CYP27A1: variants seen among roughly 807,000 people sequenced by gnomAD.
CYP27A1 encodes sterol 26-hydroxylase, mitochondrial.
In CYP27A1, 46 loss-of-function variants were observed where a neutral mutation model predicts 58.2. The ratio of observed to expected loss-of-function variants is 0.79; its 90% CI spans 0.62 to 1.01. The LOEUF (loss-of-function observed/expected upper bound fraction) is 1.01. CYP27A1 is among the 50% of genes least tolerant of loss of function. CYP27A1 has a pLI of 0.00. For missense variants in CYP27A1, 704 were observed against 687.0 expected (o/e 1.02, Z -0.28); for synonymous variants, 274 against 285.1 (o/e 0.96, Z 0.39).
At chr2:218,810,963 C>G (rs1317172080) in intron 2 of CYP27A1, among the ~76,000 whole-genome samples, 1 of 151,946 alleles carries the variant, frequency 6.6e-6, no homozygotes, top group Non-Finnish European at 1.5e-5. Flanking sequence ...CTGGCTAACA[C>G]GGTGAAACCC....
intron 1 of CYP27A1, among the ~76,000 whole-genome samples, chr2:218,784,482 C>T (rs2106479866): frequency 6.6e-6 from 1 of 152,346 alleles, no homozygotes; most frequent in African/African-American, 2.4e-5. Flanking sequence ...TATAGATTAA[C>T]TTCCTTTTAC....
At position 218,812,608 on chromosome 2, in the gene CYP27A1, G is replaced by C. The variant is rs149897566; in HGVS notation, c.703G>C (p.Glu235Gln). ...RIGCLQRSIP[E>Q]DTVTFVRSIG... Reference sequence around the variant, plus strand: ...TGGCTGCCTGCAGCGATCCATCCCCGAGGACACCGTGACCTTCGTCAGATC... The same window carrying C: ...TGGCTGCCTGCAGCGATCCATCCCCCAGGACACCGTGACCTTCGTCAGATC... The change falls in exon 4 of 9, where the codon GAG becomes CAG. Residue 235 changes from glutamate to glutamine, a missense_variant. Glu to Gln is a conservative substitution (Grantham distance 29). Transcript: ENST00000258415. 1 of 1,614,072 alleles carries C rather than the reference G, an allele frequency of 6.2e-7. No individual in the cohort carries two copies. The highest frequency in any genetic ancestry group is 2.2e-5 in the East Asian group (1 of 44,888).
At position 218,814,975 on chromosome 2, in the gene CYP27A1, T is replaced by C. The variant is rs370013480; in HGVS notation, c.1541T>C (p.Ile514Thr). The stretch of plus-strand genomic sequence containing the variant: ...GGGGAGTTGAAGAGTGTGGCCCGCA[T>C]TGTCCTGGTTCCCAATAAGAAAGTG... ...ETGELKSVAR[I>T]VLVPNKKVGL... Residue 514 changes from isoleucine to threonine, a missense_variant, in exon 9 of 9, where the codon ATT (isoleucine) becomes ACT (threonine). Physicochemically the swap from Ile to Thr is moderately conservative, Grantham distance 89. Coordinates refer to ENST00000258415, the MANE Select transcript of CYP27A1 (RefSeq NM_000784.4). 8.1e-6 allele frequency: 13 copies of C among 1,614,076 alleles called. No individual in the cohort carries two copies. Among genetic ancestry groups the C allele is most frequent in the Admixed American group, 3.3e-5 (2 of 60,012 alleles).
In CYP27A1 at chr2:218,809,562, G is replaced by T; in HGVS notation, c.256-15G>T. On this transcript the variant is annotated splice_polypyrimidine_tract_variant and intron_variant, in intron 1 of 8. Coordinates refer to ENST00000258415, the MANE Select transcript of CYP27A1 (RefSeq NM_000784.4). ...CAGCTTGGCCCAGTTATTCAGTTTT[G>T]ATTGAACTCCACAGGTGCTTTACAA... 1 of 1,472,288 alleles carries T rather than the reference G, an allele frequency of 6.8e-7. No individual in the cohort carries two copies. The highest frequency in any genetic ancestry group is 1.1e-5 in the South Asian group (1 of 89,314). 91.2% of individuals were successfully genotyped at this position (1,472,288 alleles called of 1,614,324 possible).
At chr2:218,809,249 A>G (rs183408525) in intron 1 of CYP27A1, among the ~76,000 whole-genome samples, 1 of 152,168 alleles carries the variant, frequency 6.6e-6, no homozygotes, top group African/African-American at 2.4e-5. Context: ...GGCCTCCAAC[A>G]TACACCTCAA....
chr2:218,798,807 C>T (rs1014754572), intron 1 of CYP27A1, among the ~76,000 whole-genome samples: 5 of 152,074 alleles, frequency 3.3e-5, no homozygotes, highest in South Asian at 2.1e-4. Context: ...TGCTTGAACC[C>T]GGGAGGCGGA....
chr2:218,809,732 G>A lies in CYP27A1; in HGVS notation c.411G>A (p.Arg137=), dbSNP rs1275203092. The A allele has an allele frequency of 6.2e-7, 1 of 1,613,966 alleles. No individual in the cohort carries two copies. ...RNDMELWKEH[R]DQHDLTYGPF... Reference sequence around the variant, plus strand: ...ACATGGAGCTATGGAAGGAGCACCGGGACCAGCACGACCTGACCTATGGGC... The same window carrying A: ...ACATGGAGCTATGGAAGGAGCACCGAGACCAGCACGACCTGACCTATGGGC... Residue 137 remains arginine (R), a synonymous_variant, in exon 2 of 9, where the codon CGG becomes CGA. Coordinates refer to ENST00000258415, the MANE Select transcript of CYP27A1 (RefSeq NM_000784.4).
At chr2:218,810,076 C>T (rs1943696734) in intron 2 of CYP27A1, among the ~76,000 whole-genome samples, 1 of 151,932 alleles carries the variant, frequency 6.6e-6, no homozygotes, top group Admixed American at 6.6e-5. Flanking sequence ...TTCAGGGGTT[C>T]GAGATCAGCT....
chr2:218,813,882 G>A (rs1943751919), intron 5 of CYP27A1, 139 bp from the exon 6 acceptor site: 2 of 908,532 alleles, frequency 2.2e-6, no homozygotes, highest in South Asian at 2.8e-5. Context: ...AGACTGCCAT[G>A]AACCTGCATG....
At chr2:218,814,292 A>G in intron 6 of CYP27A1, 88 bp from the exon 7 acceptor site, 1 of 1,598,188 alleles carries the variant, frequency 6.3e-7, no homozygotes, top group Non-Finnish European at 8.6e-7. Context: ...AGTGACAAGG[A>G]TGAGATGGGA....
chr2:218,814,277 G>A lies in CYP27A1; in HGVS notation c.1184+90G>A. ...ATCTGAAGTGAAGACAGGTGGGCTG[G>A]GGCTAGTGACAAGGATGAGATGGGA... On this transcript the variant is annotated intron_variant, in intron 6 of 8. Coordinates refer to ENST00000258415, the MANE Select transcript of CYP27A1 (RefSeq NM_000784.4). 3 of 1,604,710 alleles carry A rather than the reference G, an allele frequency of 1.9e-6. No homozygotes were observed. In the South Asian group the frequency reaches 3.3e-5, roughly 18 times the overall value.
chr2:218,801,976 A>G (rs1575202385), intron 1 of CYP27A1, among the ~76,000 whole-genome samples: 3 of 82,044 alleles, frequency 3.7e-5, no homozygotes, highest in Non-Finnish European at 2.5e-5. Flanking sequence ...AGCTGCTAGC[A>G]GGCTTTTTTT....
intron 1 of CYP27A1, among the ~76,000 whole-genome samples, chr2:218,804,337 A>C (rs1433160479): frequency 6.6e-6 from 1 of 152,198 alleles, no homozygotes; most frequent in Non-Finnish European, 1.5e-5. Context: ...ACCCTTGTCA[A>C]AAATCAGTTG....
At chr2:218,793,424 T>C (rs2105972913) in intron 1 of CYP27A1, among the ~76,000 whole-genome samples, 1 of 152,304 alleles carries the variant, frequency 6.6e-6, no homozygotes, top group Non-Finnish European at 1.5e-5. Context: ...TAAAGGAGAC[T>C]CAGTTTTCCG....
chr2:218,791,371 G>A (rs547202835), intron 1 of CYP27A1, among the ~76,000 whole-genome samples: 1 of 152,124 alleles, frequency 6.6e-6, no homozygotes, highest in Admixed American at 6.5e-5. Context: ...AAGGCATAAG[G>A]TTATCCATGT....
chr2:218,810,983 TAAA>T (rs545836420), intron 2 of CYP27A1, among the ~76,000 whole-genome samples: 1 of 150,544 alleles, frequency 6.6e-6, no homozygotes, highest in South Asian at 2.1e-4. Flanking sequence ...CCGACTCTAC[TAAA>T]AAAAAATACA....
chr2:218,803,093 C>A (rs951498637), intron 1 of CYP27A1, among the ~76,000 whole-genome samples: 2 of 152,056 alleles, frequency 1.3e-5, no homozygotes, highest in Non-Finnish European at 2.9e-5. Context: ...TACAAGTGTG[C>A]GCCATCACGC....
In CYP27A1 at chr2:218,813,045, T is replaced by C; in HGVS notation, c.966T>C (p.Pro322=). Residue 322 remains proline, a synonymous_variant, in exon 5 of 9, where the codon CCT becomes CCC. Transcript: ENST00000258415. ...HFLLASGQLS[P]REAMGSLPEL... Reference sequence around the variant, plus strand: ...TACTGGCCAGTGGACAGCTCAGTCCTCGGGAGGCCATGGGCAGCCTGCCTG... The same window carrying C: ...TACTGGCCAGTGGACAGCTCAGTCCCCGGGAGGCCATGGGCAGCCTGCCTG... 6.2e-7 allele frequency: 1 copy of C among 1,614,114 alleles called. No homozygotes were observed. Among genetic ancestry groups the C allele is most frequent in the South Asian group, 1.1e-5 (1 of 91,082 alleles).
chr2:218,790,469 C>T (rs917947732), intron 1 of CYP27A1, among the ~76,000 whole-genome samples: 2 of 152,186 alleles, frequency 1.3e-5, no homozygotes, highest in African/African-American at 4.8e-5. Context: ...ACTCTACTTG[C>T]TTTAACTAAG....
Sources: gnomAD v4.1 joint callset for allele counts (sites outside exome capture counted in the v4.1 genomes callset) on GRCh38, gnomAD v4.1.1 for gene constraint, MANE v1.5 for transcripts, NCBI Gene and HGNC (gene_info 2026-07-23, HGNC 2026-07-21) for gene names.